The following PINX1 variants were observed in gnomAD, a reference collection of about 807,000 sequenced individuals.
PINX1 encodes PIN2/TERF1-interacting telomerase inhibitor 1.
A neutral mutation model predicts 25.4 loss-of-function variants in PINX1; 34 were observed. The ratio of observed to expected loss-of-function variants is 1.34; its 90% CI spans 1.02 to 1.78. The LOEUF is 1.78. PINX1 is among the 40% of genes most tolerant of loss of function. The pLI, the probability that PINX1 is intolerant of heterozygous loss-of-function variation, is 0.00. For synonymous variants in PINX1, 197 were observed against 147.7 expected (o/e 1.33, Z -2.42); for missense variants, 592 against 404.9 (o/e 1.46, Z -3.97).
At chr8:10,816,261 T>A (rs1352928069) in intron 6 of PINX1, among the ~76,000 whole-genome samples, 1 of 152,234 alleles carries the variant, frequency 6.6e-6, no homozygotes, top group Admixed American at 6.5e-5. Context: ...TTACGTAAGA[T>A]GTAACCACTG....
rs753820784 is a variant in PINX1 at position 10,765,547 on chromosome 8, C to T, written c.841G>A (p.Val281Met). 1.2e-6 allele frequency: 2 copies of T among 1,613,666 alleles called. No homozygotes were observed. The highest frequency in any genetic ancestry group is 1.7e-5 in the Admixed American group (1 of 60,010). The change falls in exon 7 of 7, where the codon GTG becomes ATG. Residue 281 changes from valine (V) to methionine (M), a missense_variant. Physicochemically the swap from Val to Met is conservative, Grantham distance 21. Coordinates refer to ENST00000314787, the MANE Select transcript of PINX1 (RefSeq NM_017884.6). The part of the protein sequence containing the change: ...KASAQDAGDH[V>M]QPPEGRDFTL... ...AAGTCCCGGCCCTCAGGCGGCTGCA[C>T]ATGGTCCCCTGCATCCTGAGCAGAG...
chr8:10,815,001 G>T (rs537957242), intron 6 of PINX1, among the ~76,000 whole-genome samples: 1 of 152,126 alleles, frequency 6.6e-6, no homozygotes, highest in African/African-American at 2.4e-5. Flanking sequence ...GTGCGATGGC[G>T]TGATGATAGC....
intron 6 of PINX1, among the ~76,000 whole-genome samples, chr8:10,809,433 C>G (rs12681861): frequency 0.022 from 3,328 of 152,300 alleles, 236 homozygotes; most frequent in East Asian, 0.15. Flanking sequence ...TTCCTTTTAT[C>G]AAAAGCTGTG....
rs374791257 is a variant in PINX1 at position 10,765,489 on chromosome 8, T to G, written c.899A>C (p.Lys300Thr). 23 of 1,613,538 alleles carry G rather than the reference T, an allele frequency of 1.4e-5. No individual in the cohort carries two copies. Among genetic ancestry groups the G allele is most frequent in the Non-Finnish European group, 1.8e-5 (21 of 1,179,900 alleles). ...TLKPKKRRGK[K>T]KLQKPVEIAE... ...TATCTCTACTGGTTTTTGCAGCTTT[T>G]TCTTCCCTCTCCTCTTTTTGGGCTT... The change falls in exon 7 of 7, where the codon AAA becomes ACA. Residue 300 changes from lysine to threonine, a missense_variant. Physicochemically the swap from Lys to Thr is moderately conservative, Grantham distance 78. Coordinates refer to ENST00000314787, the MANE Select transcript of PINX1 (RefSeq NM_017884.6).
intron 6 of PINX1, among the ~76,000 whole-genome samples, chr8:10,817,639 G>A (rs1797740399): frequency 6.6e-6 from 1 of 152,184 alleles, no homozygotes; most frequent in Non-Finnish European, 1.5e-5. Context: ...ATACTGCCTA[G>A]ACGCGACCTC....
At chr8:10,793,262 T>A (rs1418503529) in intron 6 of PINX1, among the ~76,000 whole-genome samples, 2 of 152,148 alleles carry the variant, frequency 1.3e-5, no homozygotes, top group African/African-American at 4.8e-5. Flanking sequence ...AATTAACTGG[T>A]CTACAAACCA....
chr8:10,819,991 CT>C (rs532166507), intron 6 of PINX1, among the ~76,000 whole-genome samples: 29 of 152,156 alleles, frequency 1.9e-4, no homozygotes, highest in African/African-American at 7.0e-4. Context: ...AACACTTATT[CT>C]TTTTTTTAAA....
At chr8:10,766,846 G>A (rs1801066286) in intron 6 of PINX1, among the ~76,000 whole-genome samples, 1 of 152,176 alleles carries the variant, frequency 6.6e-6, no homozygotes, top group Admixed American at 6.5e-5. Context: ...AAGGGGAGAG[G>A]CTGGGATAAA....
intron 6 of PINX1, among the ~76,000 whole-genome samples, chr8:10,777,575 C>T (rs1472434429): frequency 1.2e-4 from 18 of 152,246 alleles, no homozygotes; most frequent in Admixed American, 6.5e-4. Flanking sequence ...TTGGGGACTG[C>T]AGGGAGTGAG....
intron 6 of PINX1, among the ~76,000 whole-genome samples, chr8:10,800,527 TG>T (rs1326776053): frequency 6.6e-5 from 10 of 151,822 alleles, no homozygotes; most frequent in Admixed American, 3.3e-4. Flanking sequence ...TGGAGTGCAG[TG>T]GCGTGATCTC....
At chr8:10,833,236 G>A (rs889362713) in intron 2 of PINX1, among the ~76,000 whole-genome samples, 3 of 152,218 alleles carry the variant, frequency 2.0e-5, no homozygotes, top group African/African-American at 7.2e-5. Context: ...TCAGTGTACT[G>A]GGAAACCTCA....
At chr8:10,782,181 A>C (rs766374806) in intron 6 of PINX1, among the ~76,000 whole-genome samples, 1 of 152,162 alleles carries the variant, frequency 6.6e-6, no homozygotes, top group Non-Finnish European at 1.5e-5. Context: ...TGGGGGATAG[A>C]AATGGGGAGA....
At chr8:10,775,425 T>G (rs138570556) in intron 6 of PINX1, among the ~76,000 whole-genome samples, 31,139 of 140,460 alleles carry the variant, frequency 0.22, 3,624 homozygotes, top group Non-Finnish European at 0.25. Context: ...TTTTTTTTTT[T>G]TTTTTTTTTT....
chr8:10,830,979 C>G (rs1458336167), intron 4 of PINX1, among the ~76,000 whole-genome samples: 2 of 152,168 alleles, frequency 1.3e-5, no homozygotes, highest in Non-Finnish European at 2.9e-5. Flanking sequence ...CAGCATGTTG[C>G]AGAGGTACCT....
At chr8:10,819,291 A>G (rs1465343351) in intron 6 of PINX1, among the ~76,000 whole-genome samples, 1 of 152,210 alleles carries the variant, frequency 6.6e-6, no homozygotes, top group African/African-American at 2.4e-5. Context: ...CCCTAGAAAT[A>G]AAGATTTCTG....
intron 6 of PINX1, among the ~76,000 whole-genome samples, chr8:10,800,531 G>A (rs6999629): frequency 2.7e-5 from 4 of 150,650 alleles, no homozygotes; most frequent in Admixed American, 6.6e-5. Context: ...GTGCAGTGGC[G>A]TGATCTCAGC....
chr8:10,838,054 A>G (rs1798455361), intron 1 of PINX1, among the ~76,000 whole-genome samples: 1 of 152,212 alleles, frequency 6.6e-6, no homozygotes, highest in Non-Finnish European at 1.5e-5. Flanking sequence ...CAGAGCGGTA[A>G]CCCTAACCAA....
rs112182456 is a variant in PINX1 at position 10,770,293 on chromosome 8, G to A, written c.472-4377C>T. On this transcript the variant is annotated intron_variant, in intron 6 of 6. Transcript: ENST00000314787. ...TTCATGGGCGTACACTGTGTGTCAC[G>A]ATTAGAGCTGGAGAATCTTAACGCC... Among the ~76,000 whole-genome samples, 44 of 152,296 alleles carry A rather than the reference G, an allele frequency of 2.9e-4. 1 individual carries two copies. Among genetic ancestry groups the A allele is most frequent in the African/African-American group, 5.3e-4 (22 of 41,556 alleles).
intron 6 of PINX1, among the ~76,000 whole-genome samples, chr8:10,789,824 G>C (rs896483513): frequency 6.6e-6 from 1 of 152,086 alleles, no homozygotes; most frequent in South Asian, 2.1e-4. Flanking sequence ...TTTCACTGTG[G>C]TTATCTCTGG....
Sources: allele counts gnomAD v4.1 joint callset (sites outside exome capture counted in the v4.1 genomes callset), GRCh38; gene constraint gnomAD v4.1.1; transcripts MANE v1.5; gene names NCBI Gene and HGNC (gene_info 2026-07-23, HGNC 2026-07-21).